Variants in GPC6 observed in about 807,000 individuals in gnomAD.
GPC6 encodes glypican-6.
Under a neutral mutation model 55.2 loss-of-function variants are expected in GPC6, and 14 were observed. The observed-to-expected ratio is 0.25, with a 90% CI of 0.17 to 0.40. The LOEUF (loss-of-function observed/expected upper bound fraction) is 0.40. GPC6 is among the 10% of genes least tolerant of loss of function. The probability of loss-of-function intolerance (pLI) is 1.00; values close to 1 mark genes in which losing one functional copy is unlikely to be tolerated. For missense variants in GPC6, 641 were observed against 708.5 expected (o/e 0.90, Z 1.08); for synonymous variants, 278 against 259.6 (o/e 1.07, Z -0.68).
chr13:94,113,736 A>G (rs1886328657), intron 4 of GPC6, among the ~76,000 whole-genome samples: 1 of 151,966 alleles, frequency 6.6e-6, no homozygotes, highest in African/African-American at 2.4e-5. Flanking sequence ...AACAGTGACT[A>G]TAGGCCGGGC....
chr13:93,780,923 T>C (rs1369069923), intron 2 of GPC6, among the ~76,000 whole-genome samples: 1 of 152,172 alleles, frequency 6.6e-6, no homozygotes, highest in East Asian at 1.9e-4. Context: ...TGTAAAGTAC[T>C]GTTATAGGCA....
intron 2 of GPC6, among the ~76,000 whole-genome samples, chr13:93,786,496 C>T (rs1885818166): frequency 1.3e-5 from 2 of 151,502 alleles, no homozygotes; most frequent in East Asian, 1.9e-4. Context: ...TATTCTCTTC[C>T]ACTTTGTGCT....
chr13:93,500,209 A>G (rs951575950), intron 1 of GPC6, among the ~76,000 whole-genome samples: 5 of 152,240 alleles, frequency 3.3e-5, no homozygotes, highest in African/African-American at 1.2e-4. Context: ...GCATGGAAAC[A>G]GGAAATCTTA....
intron 4 of GPC6, among the ~76,000 whole-genome samples, chr13:94,030,485 G>C (rs1281240110): frequency 6.6e-6 from 1 of 152,148 alleles, no homozygotes; most frequent in South Asian, 2.1e-4. Flanking sequence ...TTTATGGCAT[G>C]AATTAGTCAA....
chr13:93,450,698 C>A, intron 1 of GPC6: 1 of 968,400 alleles, frequency 1.0e-6, no homozygotes, highest in Non-Finnish European at 1.2e-6. Flanking sequence ...CTAGGAGCTC[C>A]AACACTTCCC....
intron 2 of GPC6, among the ~76,000 whole-genome samples, chr13:93,558,268 C>G (rs963548730): frequency 5.3e-5 from 8 of 152,198 alleles, no homozygotes; most frequent in Admixed American, 5.2e-4. Context: ...CACCTCTGCT[C>G]TTCATCCTCA....
Position 93,994,875 on chromosome 13 carries a change from T to C in GPC6, c.712-32854T>C, listed in dbSNP as rs540420911. Among the ~76,000 whole-genome samples, 62 of 152,350 alleles carry C rather than the reference T, an allele frequency of 4.1e-4. 2 individuals carry two copies. The South Asian group carries it at 0.012, about 31-fold the overall frequency. On this transcript the variant is annotated intron_variant, in intron 3 of 8. Coordinates refer to ENST00000377047, the MANE Select transcript of GPC6 (RefSeq NM_005708.5). The stretch of plus-strand genomic sequence containing the variant: ...CAAACATATACCGTGAGTCAGTTTC[T>C]ACACTGTATGCTGAGAATTCATAGT...
At chr13:93,718,449 GTTAA>G (rs1172697838) in intron 2 of GPC6, among the ~76,000 whole-genome samples, 6 of 151,832 alleles carry the variant, frequency 4.0e-5, no homozygotes, top group Admixed American at 6.6e-5. Flanking sequence ...TTTTGATGGG[GTTAA>G]TTATTTTTTT....
At chr13:93,307,414 A>T (rs1878894475) in intron 1 of GPC6, among the ~76,000 whole-genome samples, 2 of 152,170 alleles carry the variant, frequency 1.3e-5, no homozygotes. Context: ...ATCCTTGCTT[A>T]GTAATCTTAA....
intron 3 of GPC6, among the ~76,000 whole-genome samples, chr13:93,887,144 A>ACATGCAT (rs1165408755): frequency 1.3e-5 from 2 of 152,114 alleles, no homozygotes; most frequent in Non-Finnish European, 2.9e-5. Flanking sequence ...CAACAAAGAT[A>ACATGCAT]CATGCATAAT....
At chr13:93,882,753 CCTGTT>C (rs1017913574) in intron 3 of GPC6, among the ~76,000 whole-genome samples, 44 of 151,824 alleles carry the variant, frequency 2.9e-4, no homozygotes, top group Middle Eastern at 6.8e-3. Flanking sequence ...AAATGAAAGC[CCTGTT>C]CTGTCTTAAA....
chr13:93,929,422 C>T (rs1055782286), intron 3 of GPC6, among the ~76,000 whole-genome samples: 2 of 152,042 alleles, frequency 1.3e-5, no homozygotes, highest in Admixed American at 6.6e-5. Flanking sequence ...CCTCAAGTGG[C>T]GTATATCATC....
chr13:94,406,900 T>G lies in GPC6; in HGVS notation c.*3683T>G, dbSNP rs912883605. The G allele has an allele frequency of 4.6e-5, 7 of 152,136 alleles. No individual in the cohort carries two copies. Among genetic ancestry groups the G allele is most frequent in the African/African-American group, 1.2e-4 (5 of 41,446 alleles). The allele number at this position is 152,136 out of a possible 1,614,324, so 9.4% of individuals were successfully genotyped here. A position where few individuals can be genotyped will look rare whatever the true frequency, so the allele number is the denominator to read the frequency against. ...GAAATTTAAACACATTTCCATTTACTTACTAACGAACAGACCTGATTTTTA... is the reference window on the plus strand; with the variant it reads ...GAAATTTAAACACATTTCCATTTACGTACTAACGAACAGACCTGATTTTTA... On this transcript the variant is annotated 3_prime_UTR_variant, in exon 9 of 9. Coordinates refer to ENST00000377047, the MANE Select transcript of GPC6 (RefSeq NM_005708.5).
chr13:93,979,321 GTGTGTGTT>G (rs1566631991), intron 3 of GPC6, among the ~76,000 whole-genome samples: 18 of 136,412 alleles, frequency 1.3e-4, no homozygotes, highest in African/African-American at 5.0e-4. Context: ...GTGTGTGTTT[GTGTGTGTT>G]TTTTTGTGTG....
chr13:93,484,715 A>G (rs999985767), intron 1 of GPC6, among the ~76,000 whole-genome samples: 10 of 152,164 alleles, frequency 6.6e-5, no homozygotes, highest in African/African-American at 1.2e-4. Flanking sequence ...GAATGTATGT[A>G]TATAATAAAT....
chr13:94,063,244 G>A (rs1884395597), intron 4 of GPC6, among the ~76,000 whole-genome samples: 1 of 152,182 alleles, frequency 6.6e-6, no homozygotes, highest in Admixed American at 6.5e-5. Context: ...TTCAACAAAT[G>A]TAAAACATGC....
At chr13:94,201,831 C>T (rs1043345172) in intron 4 of GPC6, among the ~76,000 whole-genome samples, 16 of 152,072 alleles carry the variant, frequency 1.1e-4, no homozygotes, top group African/African-American at 1.9e-4. Flanking sequence ...TGCCTGTAGT[C>T]CCAGCTACTC....
At chr13:93,363,135 T>C (rs1271154669) in intron 1 of GPC6, among the ~76,000 whole-genome samples, 2 of 141,008 alleles carry the variant, frequency 1.4e-5, no homozygotes, top group Admixed American at 1.4e-4. Flanking sequence ...TTTTGTTTTT[T>C]TTAAAATTAT....
chr13:94,000,554 G>T (rs1881751746), intron 3 of GPC6, among the ~76,000 whole-genome samples: 1 of 152,116 alleles, frequency 6.6e-6, no homozygotes, highest in Admixed American at 6.6e-5. Flanking sequence ...CTTCATGAAT[G>T]TAAATTTTAT....
Sources: allele counts gnomAD v4.1 joint callset (sites outside exome capture counted in the v4.1 genomes callset), GRCh38; gene constraint gnomAD v4.1.1; transcripts MANE v1.5; gene names NCBI Gene and HGNC (gene_info 2026-07-23, HGNC 2026-07-21).